Variants in LRRC4C observed in about 807,000 individuals in gnomAD.
The protein encoded by LRRC4C is leucine rich repeat containing 4C.
LRRC4C carries 5 observed loss-of-function variants against 33.6 expected under a neutral mutation model. The ratio of observed to expected loss-of-function variants is 0.15; its 90% confidence interval spans 0.08 to 0.31. The LOEUF is 0.31. Ranked by LOEUF, LRRC4C falls within the 10% of genes least tolerant of loss-of-function variation. LRRC4C has a pLI of 1.00. For missense variants in LRRC4C, 560 were observed against 796.7 expected (o/e 0.70, Z 3.58); for synonymous variants, 329 against 302.0 (o/e 1.09, Z -0.93).
intron 1 of LRRC4C, among the ~76,000 whole-genome samples, chr11:41,458,184 T>G (rs1429777936): frequency 6.6e-6 from 1 of 152,258 alleles, no homozygotes; most frequent in South Asian, 2.1e-4. Context: ...TATGCTCTTC[T>G]CTACCTAGTT....
At chr11:41,453,993 C>A (rs1170923428) in intron 1 of LRRC4C, among the ~76,000 whole-genome samples, 1 of 152,038 alleles carries the variant, frequency 6.6e-6, no homozygotes, top group Non-Finnish European at 1.5e-5. Context: ...CTTTAAAATG[C>A]AGGGAGCATG....
At chr11:40,397,739 A>G (rs1381973216) in intron 3 of LRRC4C, among the ~76,000 whole-genome samples, 1 of 152,144 alleles carries the variant, frequency 6.6e-6, no homozygotes, top group Non-Finnish European at 1.5e-5. Context: ...GAAAATGAGC[A>G]TGGAACCAGT....
chr11:40,162,305 T>C (rs1275840355), intron 5 of LRRC4C, among the ~76,000 whole-genome samples: 4 of 152,184 alleles, frequency 2.6e-5, no homozygotes, highest in Non-Finnish European at 5.9e-5. Flanking sequence ...CATTTTGGCA[T>C]TTTTCTTTGG....
At chr11:41,048,707 G>T (rs1314969236) in intron 1 of LRRC4C, among the ~76,000 whole-genome samples, 2 of 152,114 alleles carry the variant, frequency 1.3e-5, no homozygotes, top group African/African-American at 4.8e-5. Context: ...TTTTGTTCTA[G>T]AGACAGATTT....
At chr11:40,287,461 A>G (rs1042834492) in intron 4 of LRRC4C, among the ~76,000 whole-genome samples, 2 of 152,278 alleles carry the variant, frequency 1.3e-5, no homozygotes, top group Admixed American at 1.3e-4. Flanking sequence ...TCATTCAAGC[A>G]GTATTTATTG....
chr11:40,497,582 A>G, intron 3 of LRRC4C, among the ~76,000 whole-genome samples: 1 of 152,218 alleles, frequency 6.6e-6, no homozygotes, highest in African/African-American at 2.4e-5. Flanking sequence ...GTGAAGCTAC[A>G]AAAGAAATGT....
chr11:41,125,287 A>C (rs1004327950), intron 1 of LRRC4C, among the ~76,000 whole-genome samples: 13 of 120,240 alleles, frequency 1.1e-4, no homozygotes, highest in African/African-American at 3.7e-4. Context: ...TGAAAATAAC[A>C]TTTAAAGACA....
intron 1 of LRRC4C, among the ~76,000 whole-genome samples, chr11:41,064,928 C>G: frequency 6.6e-6 from 1 of 152,088 alleles, no homozygotes; most frequent in East Asian, 1.9e-4. Context: ...TCAGAAGATT[C>G]CCTTGTGAGC....
intron 3 of LRRC4C, among the ~76,000 whole-genome samples, chr11:40,326,552 GAAAAA>G (rs67048103): frequency 7.1e-6 from 1 of 141,612 alleles, no homozygotes; most frequent in Admixed American, 7.0e-5. Context: ...CTTCTCAAAA[GAAAAA>G]AAAAAAAAAA....
chr11:40,475,653 G>A (rs919048005), intron 3 of LRRC4C, among the ~76,000 whole-genome samples: 7 of 152,002 alleles, frequency 4.6e-5, no homozygotes, highest in African/African-American at 1.2e-4. Context: ...GTTCAGTGGC[G>A]CTACTAATGG....
intron 4 of LRRC4C, among the ~76,000 whole-genome samples, chr11:40,302,227 C>T (rs981852578): frequency 1.3e-5 from 2 of 152,156 alleles, no homozygotes; most frequent in African/African-American, 2.4e-5. Flanking sequence ...TTTATCACAA[C>T]CTTCAATTGA....
intron 2 of LRRC4C, among the ~76,000 whole-genome samples, chr11:40,700,968 T>G (rs1478046174): frequency 6.6e-6 from 1 of 152,154 alleles, no homozygotes; most frequent in African/African-American, 2.4e-5. Context: ...AACTGGAGAG[T>G]ACATATTTTC....
intron 2 of LRRC4C, among the ~76,000 whole-genome samples, chr11:40,652,169 G>A (rs1479545947): frequency 1.3e-5 from 2 of 152,184 alleles, no homozygotes; most frequent in African/African-American, 2.4e-5. Context: ...AGCTGAACAA[G>A]GTTGTCTTAA....
At chr11:40,617,471 A>G (rs1357501965) in intron 3 of LRRC4C, among the ~76,000 whole-genome samples, 1 of 151,636 alleles carries the variant, frequency 6.6e-6, no homozygotes, top group African/African-American at 2.4e-5. Flanking sequence ...AGGTTGAATT[A>G]AATTGAATTA....
intron 1 of LRRC4C, among the ~76,000 whole-genome samples, chr11:41,448,120 C>CTTTTTTTTTTTTTTTTTTTTTTTTT: frequency 4.2e-5 from 1 of 23,862 alleles, no homozygotes; most frequent in South Asian, 7.0e-4. Context: ...CTGCACACGT[C>CTTTTTTTTTTTTTTTTTTTTTTTTT]TGTTTTTTTT....
intron 3 of LRRC4C, among the ~76,000 whole-genome samples, chr11:40,632,273 G>C (rs528607348): frequency 6.6e-6 from 1 of 152,150 alleles, no homozygotes; most frequent in African/African-American, 2.4e-5. Flanking sequence ...TCATCTTTGG[G>C]ACTGGAGACA....
At chr11:40,754,502 C>T (rs921994702) in intron 2 of LRRC4C, among the ~76,000 whole-genome samples, 2 of 152,050 alleles carry the variant, frequency 1.3e-5, no homozygotes, top group African/African-American at 2.4e-5. Context: ...TTATGTTCAG[C>T]GTCTTGTTGA....
intron 5 of LRRC4C, among the ~76,000 whole-genome samples, chr11:40,234,175 A>T (rs1390567729): frequency 6.6e-6 from 1 of 152,216 alleles, no homozygotes; most frequent in African/African-American, 2.4e-5. Context: ...TACTTTGTTT[A>T]ACCAAAGTTT....
rs116070395 is a variant in LRRC4C at position 41,207,645 on chromosome 11, G to T, written c.-496+251786C>A. 1.0e-2 allele frequency among the ~76,000 whole-genome samples: 1,514 copies of T among 152,036 alleles called. 25 individuals carry two copies. The highest frequency in any genetic ancestry group is 0.034 in the African/African-American group (1,412 of 41,490). ...CCTCTCCCTCTTGATTTTTCTCTGT[G>T]CATGCACAAAGCAAAGGCCCTGTGT... is the stretch of plus-strand genomic sequence containing the variant. On this transcript the variant is annotated intron_variant, in intron 1 of 6. Transcript: ENST00000528697.
Sources: allele counts gnomAD v4.1 joint callset (sites outside exome capture counted in the v4.1 genomes callset), GRCh38; gene constraint gnomAD v4.1.1; transcripts MANE v1.5; gene names NCBI Gene and HGNC (gene_info 2026-07-23, HGNC 2026-07-21).